TALDO1: variants seen among roughly 807,000 people sequenced by gnomAD.
TALDO1 encodes the protein transaldolase 1, also known as transaldolase.
In TALDO1, 29 loss-of-function variants were observed where a neutral mutation model predicts 38.1. The observed-to-expected ratio is 0.76, with a 90% CI of 0.57 to 1.04. The LOEUF (loss-of-function observed/expected upper bound fraction) is 1.04, where lower values mean the gene tolerates loss of function less well. Among genes scored for constraint, TALDO1 ranks in the 50% least tolerant of loss-of-function variants. The probability of loss-of-function intolerance (pLI) is 0.00; values close to 1 mark genes in which losing one functional copy is unlikely to be tolerated. For missense variants in TALDO1, 499 were observed against 438.1 expected, an observed-to-expected ratio of 1.14 and a Z score of -1.24; for synonymous variants, 207 against 176.8, an observed-to-expected ratio of 1.17 and a Z score of -1.36.
intron 2 of TALDO1, among the ~76,000 whole-genome samples, chr11:758,608 CTTT>C (rs925451883): frequency 5.5e-5 from 8 of 145,602 alleles, no homozygotes; most frequent in African/African-American, 7.7e-5. Context: ...TCAGAAGCTT[CTTT>C]TTTTTTTTCT....
intron 6 of TALDO1, 63 bp from the exon 7 acceptor site, chr11:764,225 C>T: frequency 1.2e-6 from 2 of 1,613,202 alleles, no homozygotes; most frequent in Non-Finnish European, 8.5e-7. Context: ...AGGCCCTGAG[C>T]CCAAGGGGCC....
Position 760,075 on chromosome 11 carries a change from G to A in TALDO1, c.330-47G>A, listed in dbSNP as rs747407602. 2.4e-5 allele frequency: 38 copies of A among 1,611,450 alleles called. No homozygotes were observed. In the African/African-American group the frequency reaches 5.1e-4, roughly 22 times the overall value. ...CGGCCTCCAGCTTGCTCTGCGTGGT[G>A]GGCAACCTGCGTGATCTGAGGGGAT... On this transcript the variant is annotated intron_variant, in intron 3 of 7. Coordinates refer to ENST00000319006, the MANE Select transcript of TALDO1 (RefSeq NM_006755.2).
Position 759,077 on chromosome 11 carries a change from C to T in TALDO1, c.329+20C>T. ...CGCAAGGTAAGGATGCTTGCTCCTG[C>T]ACTGGATGGGCTGGTCAGGTGTCCA... On this transcript the variant is annotated intron_variant, in intron 3 of 7. Transcript: ENST00000319006. 1.3e-6 allele frequency: 2 copies of T among 1,598,404 alleles called. No homozygotes were observed. The highest frequency in any genetic ancestry group is 1.7e-6 in the Non-Finnish European group (2 of 1,167,556).
At chr11:756,315 G>A in intron 2 of TALDO1, 1 of 366,314 alleles carries the variant, frequency 2.7e-6, no homozygotes, top group Non-Finnish European at 5.1e-6. Context: ...CCCAGCTCTG[G>A]TAACACTTAC....
rs753751838 is a variant in TALDO1, at chr11:755,944, A to G, written c.163A>G (p.Met55Val). The change falls in exon 2 of 8, where the codon ATG becomes GTG. Residue 55 changes from methionine to valine, a missense_variant. Physicochemically the swap from Met to Val is conservative, Grantham distance 21. Coordinates refer to ENST00000319006, the MANE Select transcript of TALDO1 (RefSeq NM_006755.2). ...GTCCCTGATCCTGGCCGCAGCACAG[A>G]TGCCCGCTTACCAGGAGCTGGTGGA... is the stretch of plus-strand genomic sequence containing the variant. ...NPSLILAAAQ[M>V]PAYQELVEEA... The G allele has an allele frequency of 1.9e-6, 3 of 1,614,010 alleles. No individual in the cohort carries two copies. The highest frequency in any genetic ancestry group is 2.7e-5 in the African/African-American group (2 of 74,928).
Position 763,781 on chromosome 11 carries a change from C to T in TALDO1, c.672C>T (p.Tyr224=). ...GTGTCACTAAAATCTACAACTACTA[C>T]AAGAAGTTTAGCTACAAAACCATTG... is the stretch of plus-strand genomic sequence containing the variant. ...VKSVTKIYNY[Y]KKFSYKTIVM... Residue 224 remains tyrosine (Y), a synonymous_variant, in exon 6 of 8, where the codon TAC becomes TAT. Coordinates refer to ENST00000319006, the MANE Select transcript of TALDO1 (RefSeq NM_006755.2). 6.2e-7 allele frequency: 1 copy of T among 1,614,072 alleles called. No individual in the cohort carries two copies. Among genetic ancestry groups the T allele is most frequent in the Non-Finnish European group, 8.5e-7 (1 of 1,180,024 alleles).
chr11:755,135 C>CTTT lies in TALDO1; in HGVS notation c.98-719_98-717dup, dbSNP rs71022966. On this transcript the variant is annotated intron_variant, in intron 1 of 7. Transcript: ENST00000319006. ...TGTCCTGAGTGCTTTTCCCCTTGGC[C>CTTT]TTTTTTTTTTTTTTTTTTTTTTTTT... Among the ~76,000 whole-genome samples the CTTT allele has an allele frequency of 1.7e-4, 10 of 59,652 alleles. No individual in the cohort carries two copies. In the South Asian group the frequency reaches 2.7e-3, roughly 16 times the overall value. 39.1% of individuals were successfully genotyped at this position (59,652 alleles called of 152,430 possible).
At chr11:753,893 T>C (rs1339767079) in intron 1 of TALDO1, among the ~76,000 whole-genome samples, 4 of 149,654 alleles carry the variant, frequency 2.7e-5, no homozygotes, top group Non-Finnish European at 5.9e-5. Flanking sequence ...GATGACAGAG[T>C]GAGACTCTGT....
chr11:761,312 G>T lies in TALDO1; in HGVS notation c.461+1059G>T, dbSNP rs140680712. 6.1e-4 allele frequency among the ~76,000 whole-genome samples: 91 copies of T among 150,168 alleles called. 1 individual carries two copies. In the East Asian group the frequency reaches 0.015, roughly 25 times the overall value. On this transcript the variant is annotated intron_variant, in intron 4 of 7. Transcript: ENST00000319006. ...GATTGCACCATTGTACTCCAGCCTG[G>T]GTGACAGAATGAGACTCCATCTCAA...
intron 3 of TALDO1, 46 bp downstream of exon 3, chr11:759,103 C>T (rs1862890776): frequency 6.6e-7 from 1 of 1,511,324 alleles, no homozygotes. Flanking sequence ...CAGGTGTCCA[C>T]AGTTGCACAC....
At chr11:759,252 T>TTTA (rs1564992584) in intron 3 of TALDO1, among the ~76,000 whole-genome samples, 195 bp downstream of exon 3, 1 of 151,948 alleles carries the variant, frequency 6.6e-6, no homozygotes, top group East Asian at 1.9e-4. Context: ...ATCTCTAGTG[T>TTTA]TTTTTATTTT....
chr11:752,353 T>G (rs909656683), intron 1 of TALDO1: 2 of 152,292 alleles, frequency 1.3e-5, no homozygotes, highest in Non-Finnish European at 2.9e-5. Context: ...GTGCTGGGAT[T>G]ACAGGCACCA....
intron 1 of TALDO1, among the ~76,000 whole-genome samples, chr11:752,673 G>A (rs1465842608): frequency 6.6e-6 from 1 of 152,156 alleles, no homozygotes; most frequent in African/African-American, 2.4e-5. Flanking sequence ...TGGGCATGGA[G>A]GCACCGTGCC....
At chr11:748,036 G>C (rs947692927) in intron 1 of TALDO1, among the ~76,000 whole-genome samples, 1 of 152,254 alleles carries the variant, frequency 6.6e-6, no homozygotes, top group East Asian at 1.9e-4. Context: ...GCCCGCGGGA[G>C]CCCCTCTGTG....
chr11:748,760 T>C (rs1456277382), intron 1 of TALDO1, among the ~76,000 whole-genome samples: 1 of 152,208 alleles, frequency 6.6e-6, no homozygotes, highest in Non-Finnish European at 1.5e-5. Context: ...CGGACCCCTC[T>C]TTGGGAGATC....
intron 4 of TALDO1, among the ~76,000 whole-genome samples, chr11:762,835 G>A (rs1429694002): frequency 2.0e-5 from 3 of 152,248 alleles, no homozygotes; most frequent in Non-Finnish European, 4.4e-5. Flanking sequence ...CTACGGGCCT[G>A]CTGCAGGGTG....
chr11:750,796 G>A (rs1259187591), intron 1 of TALDO1, among the ~76,000 whole-genome samples: 2 of 151,828 alleles, frequency 1.3e-5, no homozygotes, highest in Non-Finnish European at 2.9e-5. Flanking sequence ...CTGCACTCCA[G>A]CCTGGGCGAC....
At chr11:751,222 C>G (rs1862744126) in intron 1 of TALDO1, among the ~76,000 whole-genome samples, 1 of 152,036 alleles carries the variant, frequency 6.6e-6, no homozygotes, top group African/African-American at 2.4e-5. Context: ...GCCACCACTC[C>G]CAGCTAACAA....
At chr11:750,212 T>C (rs2133568164) in intron 1 of TALDO1, among the ~76,000 whole-genome samples, 1 of 152,332 alleles carries the variant, frequency 6.6e-6, no homozygotes, top group South Asian at 2.1e-4. Context: ...CCTCATTCCC[T>C]GTTCCTTGGC....
Sources: allele counts gnomAD v4.1 joint callset (sites outside exome capture counted in the v4.1 genomes callset), GRCh38; gene constraint gnomAD v4.1.1; transcripts MANE v1.5; gene names NCBI Gene and HGNC (gene_info 2026-07-23, HGNC 2026-07-21).